NDUFAF2: variants seen among roughly 807,000 people sequenced by gnomAD.
NDUFAF2 encodes NADH dehydrogenase [ubiquinone] 1 alpha subcomplex assembly factor 2.
NDUFAF2 carries 13 observed loss-of-function variants against 22.8 expected under a neutral mutation model. The observed-to-expected ratio is 0.57, with a 90% CI of 0.37 to 0.91. The LOEUF (loss-of-function observed/expected upper bound fraction) is 0.91. Among genes scored for constraint, NDUFAF2 ranks in the 40% least tolerant of loss-of-function variants. The probability of loss-of-function intolerance (pLI) is 0.01; values close to 1 mark genes in which losing one functional copy is unlikely to be tolerated. For synonymous variants in NDUFAF2, 53 were observed against 64.2 expected, an observed-to-expected ratio of 0.83 and a Z score of 0.84; for missense variants, 162 against 195.2, an observed-to-expected ratio of 0.83 and a Z score of 1.01.
At chr5:61,098,876 G>A (rs1292463349) in intron 2 of NDUFAF2, 116 bp from the exon 3 acceptor site, 29 of 637,422 alleles carry the variant, frequency 4.5e-5, no homozygotes, top group East Asian at 2.8e-4. Flanking sequence ...ATTCCCTGCT[G>A]TATCTCCAGT....
intron 2 of NDUFAF2, chr5:61,083,101 T>G (rs946167509): frequency 6.6e-6 from 1 of 152,196 alleles, no homozygotes; most frequent in Non-Finnish European, 1.5e-5. Context: ...CATTGTGGTT[T>G]TGATTTGCAT....
At chr5:61,038,542 ATCTT>A (rs1751831314) in intron 1 of NDUFAF2, among the ~76,000 whole-genome samples, 1 of 152,134 alleles carries the variant, frequency 6.6e-6, no homozygotes, top group Admixed American at 6.6e-5. Flanking sequence ...AGCCAACTCT[ATCTT>A]GTTTATTTGA....
At chr5:61,107,838 C>T (rs1390264214) in intron 3 of NDUFAF2, among the ~76,000 whole-genome samples, 13 of 131,448 alleles carry the variant, frequency 9.9e-5, no homozygotes, top group Non-Finnish European at 1.7e-4. Context: ...CACAACAGTC[C>T]CCAGAGTGTG....
chr5:61,098,799 G>T (rs959389912), intron 2 of NDUFAF2, among the ~76,000 whole-genome samples, 193 bp from the exon 3 acceptor site: 1 of 152,118 alleles, frequency 6.6e-6, no homozygotes, highest in African/African-American at 2.4e-5. Context: ...ATATGTTTGT[G>T]TGTTTATTTT....
At chr5:60,960,652 A>G (rs546284079) in intron 1 of NDUFAF2, among the ~76,000 whole-genome samples, 1 of 152,196 alleles carries the variant, frequency 6.6e-6, no homozygotes, top group Non-Finnish European at 1.5e-5. Context: ...TATCTTCAGA[A>G]CTATATGTCA....
At chr5:61,063,622 T>G (rs922693887) in intron 1 of NDUFAF2, among the ~76,000 whole-genome samples, 8 of 152,120 alleles carry the variant, frequency 5.3e-5, no homozygotes, top group Admixed American at 4.6e-4. Flanking sequence ...AGGGTAGAAG[T>G]CCAGAGTTTT....
intron 3 of NDUFAF2, among the ~76,000 whole-genome samples, chr5:61,113,496 C>T (rs948280720): frequency 5.3e-5 from 8 of 152,134 alleles, no homozygotes; most frequent in African/African-American, 1.9e-4. Context: ...CCATAATCCC[C>T]AGGTGTTGTG....
At chr5:60,984,477 G>C (rs987410943) in intron 1 of NDUFAF2, among the ~76,000 whole-genome samples, 2 of 152,086 alleles carry the variant, frequency 1.3e-5, no homozygotes, top group African/African-American at 4.8e-5. Flanking sequence ...TCTTGTGCCA[G>C]TTTTCAAAGG....
intron 1 of NDUFAF2, among the ~76,000 whole-genome samples, chr5:60,993,851 G>T (rs1052300587): frequency 3.3e-5 from 5 of 152,188 alleles, no homozygotes; most frequent in Non-Finnish European, 7.4e-5. Context: ...GGGAGGAAGT[G>T]CCTACCAATT....
intron 1 of NDUFAF2, among the ~76,000 whole-genome samples, chr5:61,068,446 A>G (rs1752256507): frequency 6.6e-6 from 1 of 152,098 alleles, no homozygotes; most frequent in African/African-American, 2.4e-5. Context: ...GAAAACCTTT[A>G]TATTTTCCAT....
intron 1 of NDUFAF2, among the ~76,000 whole-genome samples, chr5:60,971,534 G>T (rs1330400568): frequency 1.3e-5 from 2 of 151,924 alleles, no homozygotes; most frequent in African/African-American, 4.8e-5. Flanking sequence ...TGATCCGCCC[G>T]CCTCGGCCTC....
At chr5:60,945,698 G>A (rs1236773872) in intron 1 of NDUFAF2, among the ~76,000 whole-genome samples, 1 of 152,220 alleles carries the variant, frequency 6.6e-6, no homozygotes, top group African/African-American at 2.4e-5. Context: ...GCCTGTAGAG[G>A]AGCCTCAGTT....
intron 1 of NDUFAF2, among the ~76,000 whole-genome samples, chr5:60,952,968 G>A (rs904651265): frequency 6.6e-6 from 1 of 152,136 alleles, no homozygotes; most frequent in South Asian, 2.1e-4. Context: ...AGAGCAATTA[G>A]CAAGCTGTGG....
chr5:61,045,066 G>GTTTTATTAAAATTTAGTAAAATAAAA (rs1751931364), intron 1 of NDUFAF2, among the ~76,000 whole-genome samples: 1 of 130,710 alleles, frequency 7.7e-6, no homozygotes, highest in Non-Finnish European at 1.6e-5. Context: ...GTAAAATAAA[G>GTTTTATTAAAATTTAGTAAAATAAAA]TTTTATTAAA....
At chr5:61,008,670 T>C (rs144362112) in intron 1 of NDUFAF2, among the ~76,000 whole-genome samples, 7 of 152,266 alleles carry the variant, frequency 4.6e-5, no homozygotes, top group Admixed American at 2.0e-4. Context: ...CCTTTATCTT[T>C]ACTTTCATCA....
At position 61,152,979 on chromosome 5, in the gene NDUFAF2, A is replaced by G. The variant is rs779237950; in HGVS notation, c.*24A>G. The G allele has an allele frequency of 2.5e-6, 4 of 1,611,292 alleles. No homozygotes were observed. Among genetic ancestry groups the G allele is most frequent in the South Asian group, 1.1e-5 (1 of 90,576 alleles). ...GAATGCATTATGGTCAAATCTTTTC[A>G]TGTATATGGATGTGACTATTTTAAC... On this transcript the variant is annotated 3_prime_UTR_variant, in exon 4 of 4. Coordinates refer to ENST00000296597, the MANE Select transcript of NDUFAF2 (RefSeq NM_174889.5).
intron 2 of NDUFAF2, among the ~76,000 whole-genome samples, chr5:61,098,418 C>T (rs1271847547): frequency 3.3e-5 from 5 of 152,192 alleles, no homozygotes; most frequent in African/African-American, 1.2e-4. Context: ...GCATCCAGCA[C>T]AGTACCCAGG....
intron 1 of NDUFAF2, among the ~76,000 whole-genome samples, chr5:60,980,172 C>G (rs1175275075): frequency 6.6e-6 from 1 of 152,152 alleles, no homozygotes. Flanking sequence ...GGAAAGCCTT[C>G]CCAAGAATGA....
chr5:60,989,168 C>T (rs1450264516), intron 1 of NDUFAF2, among the ~76,000 whole-genome samples: 2 of 152,122 alleles, frequency 1.3e-5, no homozygotes, highest in African/African-American at 2.4e-5. Context: ...AAATGCTGTA[C>T]GTCAGTAATA....
Sources: allele counts gnomAD v4.1 joint callset (sites outside exome capture counted in the v4.1 genomes callset), GRCh38; gene constraint gnomAD v4.1.1; transcripts MANE v1.5; gene names NCBI Gene and HGNC (gene_info 2026-07-23, HGNC 2026-07-21).